Variants in LAMA3 observed in about 807,000 individuals in gnomAD.
The protein encoded by LAMA3 is laminin subunit alpha 3.
In LAMA3, 281 loss-of-function variants were observed where a neutral mutation model predicts 402.0. The observed-to-expected ratio is 0.70, with a 90% confidence interval of 0.63 to 0.77. LAMA3 has a LOEUF of 0.77. Ranked by LOEUF, LAMA3 falls within the 30% of genes least tolerant of loss-of-function variation. The pLI is 0.00. For missense variants in LAMA3, 3,840 were observed against 4,215.5 expected (o/e 0.91, Z 2.47); for synonymous variants, 1,431 against 1,558.4 (o/e 0.92, Z 1.93).
In LAMA3 at chr18:23,689,570, T is replaced by C. The variant is rs2060537779; in HGVS notation, c.-114T>C. On this transcript the variant is annotated 5_prime_UTR_variant, in exon 1 of 75. Transcript: ENST00000313654. The stretch of plus-strand genomic sequence containing the variant: ...AGGGGAGCGGCCCCGGCGCCGCCCA[T>C]ATCCCCGGCTGCGCTAGTCCTGGCG... The C allele has an allele frequency of 9.5e-7, 1 of 1,049,172 alleles. No homozygotes were observed. The highest frequency in any genetic ancestry group is 1.2e-6 in the Non-Finnish European group (1 of 826,250). 65.0% of individuals were successfully genotyped at this position (1,049,172 alleles called of 1,614,324 possible).
At chr18:23,749,323 T>A in intron 3 of LAMA3, 105 bp from the exon 4 acceptor site, 1 of 687,602 alleles carries the variant, frequency 1.5e-6, no homozygotes, top group Non-Finnish European at 2.5e-6. Flanking sequence ...CCTTTCTGTT[T>A]TTTCTTTCTT....
intron 70 of LAMA3, among the ~76,000 whole-genome samples, chr18:23,947,771 CATT>C (rs973435972): frequency 1.3e-5 from 2 of 151,466 alleles, no homozygotes; most frequent in African/African-American, 4.9e-5. Flanking sequence ...GGAGGATTCT[CATT>C]GTTAATGTTT....
In LAMA3 at chr18:23,775,894, T is replaced by C; in HGVS notation, c.1376T>C (p.Ile459Thr). 1 of 1,614,088 alleles carries C rather than the reference T, an allele frequency of 6.2e-7. No individual in the cohort carries two copies. Among genetic ancestry groups the C allele is most frequent in the East Asian group, 2.2e-5 (1 of 44,880 alleles). ...FHGDNCEKCA[I>T]GYYNFPFCLR... ...GGAGACAACTGTGAGAAGTGTGCAA[T>C]TGGATACTACAATTTCCCATTTTGC... is the stretch of plus-strand genomic sequence containing the variant. The change falls in exon 10 of 75, where the codon ATT becomes ACT. Residue 459 changes from isoleucine to threonine, a missense_variant. Physicochemically the swap from Ile to Thr is moderately conservative, Grantham distance 89. Transcript: ENST00000313654.
chr18:23,812,923 C>A, intron 13 of LAMA3, 134 bp from the exon 14 acceptor site: 1 of 680,844 alleles, frequency 1.5e-6, no homozygotes. Context: ...TGCATGCAGA[C>A]TTTGCCACAC....
At chr18:23,922,700 A>G (rs1202979684) in intron 62 of LAMA3, among the ~76,000 whole-genome samples, 1 of 152,266 alleles carries the variant, frequency 6.6e-6, no homozygotes, top group Admixed American at 6.5e-5. Context: ...CAATTCAGCC[A>G]TGAATAGCCA....
At position 23,915,327 on chromosome 18, in the gene LAMA3, T is replaced by C. The variant is rs1366911479; in HGVS notation, c.7683T>C (p.Cys2561=). The C allele has an allele frequency of 6.2e-7, 1 of 1,613,648 alleles. No homozygotes were observed. Among genetic ancestry groups the C allele is most frequent in the Non-Finnish European group, 8.5e-7 (1 of 1,179,576 alleles). The change falls in exon 59 of 75, where the codon TGT becomes TGC. Residue 2561 remains cysteine, a synonymous_variant. Transcript: ENST00000313654. ...SRLSFPPYKG[C]IELDDLNENV... is the part of the protein sequence containing the mutation. ...TAAGTTTCCCTCCATACAAAGGTTGTATTGAATTAGATGACCTCAATGAAA... is the reference window on the plus strand; with the variant it reads ...TAAGTTTCCCTCCATACAAAGGTTGCATTGAATTAGATGACCTCAATGAAA...
At chr18:23,946,608 G>T in intron 70 of LAMA3, 1 of 293,780 alleles carries the variant, frequency 3.4e-6, no homozygotes, top group Non-Finnish European at 6.5e-6. Context: ...GAGATTTTTT[G>T]GTTAACATAA....
intron 8 of LAMA3, among the ~76,000 whole-genome samples, chr18:23,769,911 GA>G (rs1212649928): frequency 2.0e-5 from 3 of 152,126 alleles, no homozygotes; most frequent in Non-Finnish European, 4.4e-5. Flanking sequence ...AAATGAATGG[GA>G]AAAAATATAC....
In LAMA3 at chr18:23,927,671, G is replaced by GA. The variant is rs1038384647; in HGVS notation, c.8178-444dup. Among the ~76,000 whole-genome samples the GA allele has an allele frequency of 5.3e-5, 8 of 151,812 alleles. No homozygotes were observed. In the East Asian group the frequency reaches 5.8e-4, roughly 11 times the overall value. ...ACAGTGGCTAACTTAACAGTGAACAGAAAAAAAAGAGCAAAAGGTTTTCTA... is the reference window on the plus strand; with the variant it reads ...ACAGTGGCTAACTTAACAGTGAACAGAAAAAAAAAGAGCAAAAGGTTTTCTA... On this transcript the variant is annotated intron_variant, in intron 62 of 74. Transcript: ENST00000313654.
At chr18:23,793,029 C>A (rs1256826392) in intron 12 of LAMA3, among the ~76,000 whole-genome samples, 1 of 152,076 alleles carries the variant, frequency 6.6e-6, no homozygotes, top group Non-Finnish European at 1.5e-5. Context: ...CATGGAGAAG[C>A]ATCAGGGTCG....
intron 2 of LAMA3, among the ~76,000 whole-genome samples, chr18:23,747,320 C>CGAA (rs951814398): frequency 1.3e-5 from 2 of 152,066 alleles, no homozygotes; most frequent in African/African-American, 4.8e-5. Flanking sequence ...AAAGAAGGAC[C>CGAA]GAAGCCCCAC....
chr18:23,951,621 G>A (rs2082913247), intron 72 of LAMA3, 63 bp from the exon 73 acceptor site: 2 of 1,314,538 alleles, frequency 1.5e-6, no homozygotes, highest in Non-Finnish European at 1.1e-6. Flanking sequence ...AGGGAAGATG[G>A]CAGGGGAAGG....
chr18:23,787,239 A>T (rs1220385181), intron 12 of LAMA3, among the ~76,000 whole-genome samples: 1 of 152,160 alleles, frequency 6.6e-6, no homozygotes, highest in Non-Finnish European at 1.5e-5. Context: ...CCAAGATCGC[A>T]CCATTGCCCT....
At chr18:23,867,015 A>T (rs899849796) in intron 36 of LAMA3, among the ~76,000 whole-genome samples, 1 of 152,222 alleles carries the variant, frequency 6.6e-6, no homozygotes, top group South Asian at 2.1e-4. Flanking sequence ...TAAGATGCAC[A>T]TGTGAGCCAC....
intron 24 of LAMA3, among the ~76,000 whole-genome samples, chr18:23,835,601 T>C (rs1170121839): frequency 6.6e-6 from 1 of 152,160 alleles, no homozygotes; most frequent in Non-Finnish European, 1.5e-5. Flanking sequence ...ACACTTTCAT[T>C]GTGTTTAATC....
intron 73 of LAMA3, among the ~76,000 whole-genome samples, chr18:23,952,000 T>G (rs2082933669): frequency 6.6e-6 from 1 of 152,178 alleles, no homozygotes; most frequent in Non-Finnish European, 1.5e-5. Context: ...GTTGCTGTTG[T>G]TGTTGTTTGT....
In LAMA3 at chr18:23,933,938, A is replaced by G; in HGVS notation, c.8862+3A>G. ...CCAAGACTTTTCGTATCAACCAGGT[A>G]AGTGTCCAAACCTAACCCTGGGTTT... On this transcript the variant is annotated splice_donor_region_variant and intron_variant, in intron 67 of 74. Transcript: ENST00000313654. 6.2e-7 allele frequency: 1 copy of G among 1,613,950 alleles called. No individual in the cohort carries two copies.
At chr18:23,915,651 G>A (rs550421817) in intron 59 of LAMA3, among the ~76,000 whole-genome samples, 15 of 152,042 alleles carry the variant, frequency 9.9e-5, no homozygotes, top group Non-Finnish European at 2.1e-4. Context: ...TTTCTCACTT[G>A]AAAAAAGTCT....
intron 29 of LAMA3, 106 bp downstream of exon 29, chr18:23,842,856 A>G (rs558171453): frequency 4.3e-6 from 6 of 1,407,206 alleles, no homozygotes; most frequent in African/African-American, 1.4e-5. Flanking sequence ...AATTGAAGTC[A>G]TATTTGTAGA....
Sources: gnomAD v4.1 joint callset for allele counts (sites outside exome capture counted in the v4.1 genomes callset) on GRCh38, gnomAD v4.1.1 for gene constraint, MANE v1.5 for transcripts, NCBI Gene and HGNC (gene_info 2026-07-23, HGNC 2026-07-21) for gene names.